PLEKHG1: variants seen among roughly 807,000 people sequenced by gnomAD.
The protein encoded by PLEKHG1 is pleckstrin homology and RhoGEF domain containing G1, also known as pleckstrin homology domain-containing family G member 1.
PLEKHG1 carries 44 observed loss-of-function variants against 100.8 expected under a neutral mutation model. The ratio of observed to expected loss-of-function variants is 0.44; its 90% CI spans 0.34 to 0.56. The LOEUF is 0.56. Ranked by LOEUF, PLEKHG1 falls within the 20% of genes least tolerant of loss-of-function variation. The pLI is 0.01. For synonymous variants in PLEKHG1, 640 were observed against 662.5 expected (o/e 0.97, Z 0.52); for missense variants, 1,545 against 1,720.9 (o/e 0.90, Z 1.81).
At chr6:150,677,949 AATAGGTC>A (rs75608245) in intron 3 of PLEKHG1, among the ~76,000 whole-genome samples, 17,788 of 151,056 alleles carry the variant, frequency 0.12, 1,275 homozygotes, top group African/African-American at 0.2. Context: ...AATGCAACAA[AATAGGTC>A]ATAGGTCAAT....
At chr6:150,638,897 C>T (rs1268445221) in intron 2 of PLEKHG1, among the ~76,000 whole-genome samples, 3 of 152,178 alleles carry the variant, frequency 2.0e-5, no homozygotes, top group Non-Finnish European at 1.5e-5. Context: ...CAGTAAATTA[C>T]TACTTTACCT....
chr6:150,733,248 G>A (rs946129704), intron 1 of PLEKHG1, among the ~76,000 whole-genome samples: 1 of 152,158 alleles, frequency 6.6e-6, no homozygotes, highest in African/African-American at 2.4e-5. Flanking sequence ...ATTTGCATAT[G>A]AGTCATTCCA....
chr6:150,794,764 TG>T (rs1228565567), intron 4 of PLEKHG1, among the ~76,000 whole-genome samples: 1 of 149,092 alleles, frequency 6.7e-6, no homozygotes, highest in Non-Finnish European at 1.5e-5. Context: ...AGCAGGGGAA[TG>T]GGGGGTGGGG....
chr6:150,711,833 G>A (rs1306527632), intron 3 of PLEKHG1, among the ~76,000 whole-genome samples: 2 of 152,172 alleles, frequency 1.3e-5, no homozygotes, highest in African/African-American at 4.8e-5. Flanking sequence ...TCTGGTATAA[G>A]ATAGGCTCTA....
intron 4 of PLEKHG1, among the ~76,000 whole-genome samples, chr6:150,787,473 G>T (rs112537555): frequency 9.2e-5 from 14 of 152,254 alleles, no homozygotes; most frequent in East Asian, 1.9e-4. Context: ...ACATTCAACC[G>T]CTTTTGTTTG....
chr6:150,627,951 G>C (rs1484722805), intron 1 of PLEKHG1, among the ~76,000 whole-genome samples: 1 of 152,090 alleles, frequency 6.6e-6, no homozygotes, highest in Non-Finnish European at 1.5e-5. Context: ...GCGTTTTATG[G>C]GATGCAGACT....
At chr6:150,617,899 A>G (rs541855574) in intron 1 of PLEKHG1, among the ~76,000 whole-genome samples, 2 of 152,334 alleles carry the variant, frequency 1.3e-5, no homozygotes, top group African/African-American at 4.8e-5. Context: ...ATTGAAACAC[A>G]GGAGCACTGG....
In PLEKHG1 at chr6:150,712,314, G is replaced by A. The variant is rs566775895; in HGVS notation, c.-98-21270G>A. The stretch of plus-strand genomic sequence containing the variant: ...CCTACCTGGAAGGCAGCCAGGCAGG[G>A]AGCGGAGTGTGCAGACCTTTAGACA... On this transcript the variant is annotated intron_variant, in intron 3 of 3. Transcript: ENST00000367326. Among the ~76,000 whole-genome samples, 445 of 152,320 alleles carry A rather than the reference G, an allele frequency of 2.9e-3. 3 individuals carry two copies. Among genetic ancestry groups the A allele is most frequent in the Non-Finnish European group, 9.7e-4 (66 of 68,038 alleles).
intron 11 of PLEKHG1, among the ~76,000 whole-genome samples, chr6:150,819,305 C>T (rs1776164563): frequency 6.6e-6 from 1 of 152,076 alleles, no homozygotes; most frequent in Non-Finnish European, 1.5e-5. Flanking sequence ...TGGCTCACAC[C>T]TGTAATCCCA....
intron 3 of PLEKHG1, among the ~76,000 whole-genome samples, chr6:150,704,817 G>T (rs1191149087): frequency 6.6e-6 from 1 of 152,254 alleles, no homozygotes; most frequent in Non-Finnish European, 1.5e-5. Flanking sequence ...CAAGGTGCTA[G>T]TGGGGTTGGT....
chr6:150,725,234 G>A (rs577993469), intron 1 of PLEKHG1, among the ~76,000 whole-genome samples: 7 of 152,184 alleles, frequency 4.6e-5, no homozygotes, highest in African/African-American at 1.7e-4. Flanking sequence ...TTTTATAAGG[G>A]CATTAATCTC....
At chr6:150,814,174 G>A (rs923546581) in intron 10 of PLEKHG1, among the ~76,000 whole-genome samples, 2 of 152,110 alleles carry the variant, frequency 1.3e-5, no homozygotes, top group East Asian at 1.9e-4. Context: ...TTTATGATTA[G>A]TCATTTTGTT....
chr6:150,604,416 C>A (rs1265676502), intron 1 of PLEKHG1, among the ~76,000 whole-genome samples: 1 of 152,160 alleles, frequency 6.6e-6, no homozygotes, highest in Non-Finnish European at 1.5e-5. Context: ...CTGTCATATA[C>A]TGTTTGATTT....
In PLEKHG1 at chr6:150,737,281, A is replaced by AT. The variant is rs34129872; in HGVS notation, c.411+3210dup. ...CCCAATAAAAGGCTGTCATATGGGT[A>AT]TTTTTTTTTTTTTTTTTTTTTGAGA... On this transcript the variant is annotated intron_variant, in intron 2 of 15. Transcript: ENST00000358517. 6.6e-3 allele frequency among the ~76,000 whole-genome samples: 771 copies of AT among 117,016 alleles called. 15 individuals are homozygous for AT. The highest frequency in any genetic ancestry group is 0.022 in the South Asian group (80 of 3,656). 76.8% of individuals were successfully genotyped at this position (117,016 alleles called of 152,430 possible). A position where few individuals can be genotyped will look rare whatever the true frequency, so the allele number is the denominator to read the frequency against.
chr6:150,837,086 C>T (rs1239627506), intron 15 of PLEKHG1, among the ~76,000 whole-genome samples: 1 of 152,052 alleles, frequency 6.6e-6, no homozygotes, highest in African/African-American at 2.4e-5. Flanking sequence ...CACTTGAACC[C>T]AGGAGGTAGA....
At chr6:150,765,413 G>A (rs1027826584) in intron 2 of PLEKHG1, among the ~76,000 whole-genome samples, 1 of 151,092 alleles carries the variant, frequency 6.6e-6, no homozygotes, top group African/African-American at 2.4e-5. Context: ...AGAATCGCTT[G>A]AACTTGGGAG....
chr6:150,757,619 TACAC>T (rs1453067082), intron 2 of PLEKHG1, among the ~76,000 whole-genome samples: 2 of 152,202 alleles, frequency 1.3e-5, no homozygotes, highest in Non-Finnish European at 2.9e-5. Flanking sequence ...GCTTCTTCCT[TACAC>T]ACACTCCTGT....
intron 3 of PLEKHG1, among the ~76,000 whole-genome samples, chr6:150,656,193 T>G (rs1778964236): frequency 6.6e-6 from 1 of 152,100 alleles, no homozygotes; most frequent in African/African-American, 2.4e-5. Flanking sequence ...TGGGGGAGAC[T>G]TCCTCATTGT....
intron 10 of PLEKHG1, among the ~76,000 whole-genome samples, chr6:150,810,465 AAAAAAAGAAAGAAAG>A (rs1787426024): frequency 7.4e-6 from 1 of 135,320 alleles, no homozygotes; most frequent in African/African-American, 2.7e-5. Context: ...CCCTGTCTCA[AAAAAAAGAAAGAAAG>A]AAAGAAGGAA....
Sources: gnomAD v4.1 joint callset for allele counts (sites outside exome capture counted in the v4.1 genomes callset) on GRCh38, gnomAD v4.1.1 for gene constraint, MANE v1.5 for transcripts, NCBI Gene and HGNC (gene_info 2026-07-23, HGNC 2026-07-21) for gene names.